Variants in REDIC1 observed in about 807,000 individuals in gnomAD.
The protein encoded by REDIC1 is regulator of DNA class I crossover intermediates 1, also known as HEI10 Interacting Protein 1.
chr12:39,712,255 TATAC>T, the REDIC1 span, among the ~76,000 whole-genome samples: 1 of 143,600 alleles, frequency 7.0e-6, no homozygotes, highest in African/African-American at 2.5e-5. Flanking sequence ...TACATACATA[TATAC>T]ATATGTATAT....
the REDIC1 span, among the ~76,000 whole-genome samples, chr12:39,712,125 C>CATACAT: frequency 0.055 from 6,874 of 123,994 alleles, 296 homozygotes; most frequent in Non-Finnish European, 0.081. Flanking sequence ...TGTATATATA[C>CATACAT]CTGTATGTAC....
chr12:39,667,902 T>C, the REDIC1 span, among the ~76,000 whole-genome samples: 26 of 152,338 alleles, frequency 1.7e-4, no homozygotes, highest in African/African-American at 5.8e-4. Context: ...TGCCTTTTTT[T>C]GTTTTCCATT....
At chr12:39,643,859 C>T in the REDIC1 span, 1 of 1,578,708 alleles carries the variant, frequency 6.3e-7, no homozygotes, top group Non-Finnish European at 8.7e-7. Flanking sequence ...CTGCTGTCAG[C>T]TTAGACATTC....
At chr12:39,875,125 C>A in the REDIC1 span, among the ~76,000 whole-genome samples, 1 of 152,184 alleles carries the variant, frequency 6.6e-6, no homozygotes, top group Middle Eastern at 3.2e-3. Flanking sequence ...TAAAACAAAA[C>A]ACATTTATTA....
chr12:39,713,227 T>TATACGTGTATATGTGTACACACAC, the REDIC1 span, among the ~76,000 whole-genome samples: 1 of 134,332 alleles, frequency 7.4e-6, no homozygotes, highest in East Asian at 2.3e-4. Flanking sequence ...ATATTACACA[T>TATACGTGTATATGTGTACACACAC]ATACGTGTAT....
At chr12:39,709,936 C>T in the REDIC1 span, among the ~76,000 whole-genome samples, 1 of 151,872 alleles carries the variant, frequency 6.6e-6, no homozygotes, top group East Asian at 1.9e-4. Context: ...TATATTTCCA[C>T]CAGCAGTGCA....
chr12:39,879,586 C>T, the REDIC1 span, among the ~76,000 whole-genome samples: 4 of 152,146 alleles, frequency 2.6e-5, no homozygotes, highest in Admixed American at 1.3e-4. Flanking sequence ...GGGGCCTGTA[C>T]CCCCTTTCTT....
the REDIC1 span, chr12:39,764,909 G>A: frequency 6.3e-7 from 1 of 1,576,900 alleles, no homozygotes; most frequent in Non-Finnish European, 8.6e-7. Context: ...GACTACAGTT[G>A]CAGAAATTCA....
At chr12:39,786,074 G>A in the REDIC1 span, among the ~76,000 whole-genome samples, 523 of 152,180 alleles carry the variant, frequency 3.4e-3, 7 homozygotes, top group African/African-American at 0.012. Flanking sequence ...CTGTTGGGAA[G>A]GCATGATTAG....
At chr12:39,735,559 A>G in the REDIC1 span, among the ~76,000 whole-genome samples, 1 of 152,236 alleles carries the variant, frequency 6.6e-6, no homozygotes, top group Non-Finnish European at 1.5e-5. Context: ...TGGGATCAAA[A>G]ATACAACTTT....
the REDIC1 span, among the ~76,000 whole-genome samples, chr12:39,825,809 A>C: frequency 8.6e-5 from 13 of 152,000 alleles, no homozygotes; most frequent in African/African-American, 2.9e-4. Context: ...TGCACTTCCC[A>C]TCCTCTGCTA....
chr12:39,705,387 C>G, the REDIC1 span, among the ~76,000 whole-genome samples: 1 of 151,912 alleles, frequency 6.6e-6, no homozygotes, highest in Non-Finnish European at 1.5e-5. Flanking sequence ...AAACATGTAA[C>G]GAAGAACTAA....
chr12:39,787,071 T>C, the REDIC1 span, among the ~76,000 whole-genome samples: 19 of 152,178 alleles, frequency 1.2e-4, no homozygotes, highest in African/African-American at 3.9e-4. Context: ...ACGGTAAACC[T>C]CTGATCTATG....
At chr12:39,833,148 G>T in the REDIC1 span, among the ~76,000 whole-genome samples, 23 of 152,166 alleles carry the variant, frequency 1.5e-4, 1 homozygote, top group East Asian at 4.1e-3. Context: ...TGTAAAAAAG[G>T]TTTACAGAAA....
chr12:39,714,765 G>A, the REDIC1 span, among the ~76,000 whole-genome samples: 2 of 151,874 alleles, frequency 1.3e-5, no homozygotes, highest in East Asian at 3.9e-4. Flanking sequence ...TCTTGCAGGA[G>A]TAAGGTGGTA....
At chr12:39,908,153 A>G in the REDIC1 span, 1 of 152,062 alleles carries the variant, frequency 6.6e-6, no homozygotes, top group Non-Finnish European at 1.5e-5. Context: ...AAGCTGCATG[A>G]TAGTGATGTA....
At chr12:39,792,940 T>C in the REDIC1 span, among the ~76,000 whole-genome samples, 2 of 152,148 alleles carry the variant, frequency 1.3e-5, no homozygotes, top group African/African-American at 4.8e-5. Flanking sequence ...TGAACCAAAG[T>C]TATGAACTTT....
the REDIC1 span, among the ~76,000 whole-genome samples, chr12:39,777,891 G>A: frequency 1.3e-5 from 2 of 152,322 alleles, no homozygotes; most frequent in East Asian, 1.9e-4. Flanking sequence ...ACAGAGGCAA[G>A]ATCCCTAGGA....
the REDIC1 span, among the ~76,000 whole-genome samples, chr12:39,694,039 G>A: frequency 5.6e-4 from 85 of 152,320 alleles, no homozygotes; most frequent in Non-Finnish European, 1.0e-4. Flanking sequence ...GCTTCGCTCT[G>A]TGTGAAGTTG....
Sources: allele counts gnomAD v4.1 joint callset (sites outside exome capture counted in the v4.1 genomes callset), GRCh38; gene constraint gnomAD v4.1.1; transcripts MANE v1.5; gene names NCBI Gene and HGNC (gene_info 2026-07-23, HGNC 2026-07-21).